ITGB4: variants seen among roughly 807,000 people sequenced by gnomAD.
ITGB4 encodes the protein integrin beta-4.
A neutral mutation model predicts 207.6 loss-of-function variants in ITGB4; 159 were observed. That is an observed-to-expected ratio of 0.77 (90% CI 0.67 to 0.87). The LOEUF (loss-of-function observed/expected upper bound fraction) is 0.87, where lower values mean the gene tolerates loss of function less well. Ranked by LOEUF, ITGB4 falls within the 40% of genes least tolerant of loss-of-function variation. ITGB4 has a pLI of 0.00. For missense variants in ITGB4, 2,278 were observed against 2,546.8 expected, an observed-to-expected ratio of 0.89 and a Z score of 2.27; for synonymous variants, 1,020 against 1,062.7, an observed-to-expected ratio of 0.96 and a Z score of 0.78.
At chr17:75,752,666 G>C in intron 32 of ITGB4, 89 bp downstream of exon 32, 2 of 1,523,976 alleles carry the variant, frequency 1.3e-6, no homozygotes, top group South Asian at 2.3e-5. Context: ...AAAGGGGCCA[G>C]CAACTAGAGG....
chr17:75,750,741 C>T lies in ITGB4; in HGVS notation c.3536C>T (p.Pro1179Leu). 1 of 1,613,478 alleles carries T rather than the reference C, an allele frequency of 6.2e-7. No homozygotes were observed. The highest frequency in any genetic ancestry group is 8.5e-7 in the Non-Finnish European group (1 of 1,179,964). Reference sequence around the variant, plus strand: ...GCCCACCTGCTCGACAGCAAGGTGCCCTCAGTGGAGCTCACCAACCTGTAC... The same window carrying T: ...GCCCACCTGCTCGACAGCAAGGTGCTCTCAGTGGAGCTCACCAACCTGTAC... ...SEAHLLDSKVPSVELTNLYPY... is the reference protein window; with the variant it reads ...SEAHLLDSKVLSVELTNLYPY... Residue 1179 changes from proline to leucine, a missense_variant, in exon 29 of 40, where the codon CCC becomes CTC. Physicochemically the swap from Pro to Leu is moderately conservative, Grantham distance 98. Coordinates refer to ENST00000200181, the MANE Select transcript of ITGB4 (RefSeq NM_000213.5). This position sits in a 1 kb window ranked among gnomAD's most constrained non-coding sequence, Gnocchi z 5.5.
In ITGB4 at chr17:75,727,213, C is replaced by A; in HGVS notation, c.98C>A (p.Ala33Asp). 1 of 1,614,050 alleles carries A rather than the reference C, an allele frequency of 6.2e-7. No homozygotes were observed. The highest frequency in any genetic ancestry group is 8.5e-7 in the Non-Finnish European group (1 of 1,179,970). The change falls in exon 3 of 40, where the codon GCC (alanine) becomes GAC (aspartate). Residue 33 changes from alanine to aspartate, a missense_variant. Ala to Asp is a moderately radical substitution (Grantham distance 126). Coordinates refer to ENST00000200181, the MANE Select transcript of ITGB4 (RefSeq NM_000213.5). This position sits in a 1 kb window ranked among gnomAD's most constrained non-coding sequence, Gnocchi z 6.0. The stretch of plus-strand genomic sequence containing the variant: ...CCCCCAGCAAACCGCTGCAAGAAGG[C>A]CCCAGTGAAGAGCTGCACGGAGTGT... Reference protein sequence around the residue: ...SGTLANRCKKAPVKSCTECVR... With the variant: ...SGTLANRCKKDPVKSCTECVR...
In ITGB4 at chr17:75,736,627, C is replaced by T. The variant is rs8064969; in HGVS notation, c.1923C>T (p.Gly641=). 4 of 1,602,096 alleles carry T rather than the reference C, an allele frequency of 2.5e-6. No individual in the cohort carries two copies. The Admixed American group carries it at 5.2e-5, about 21-fold the overall frequency. ...TGCAGTGCCAGGCGTGGGGCACCGG[C>T]GAGAAGAAGGGGCGCACGTGTGAGG... The part of the protein sequence containing the change: ...SCVQCQAWGT[G]EKKGRTCEEC... The change falls in exon 16 of 40, where the codon GGC becomes GGT. Residue 641 remains glycine, a synonymous_variant. Coordinates refer to ENST00000200181, the MANE Select transcript of ITGB4 (RefSeq NM_000213.5).
chr17:75,750,737 G>T lies in ITGB4; in HGVS notation c.3532G>T (p.Val1178Leu), dbSNP rs1408046201. ...CGAAGCCCACCTGCTCGACAGCAAG[G>T]TGCCCTCAGTGGAGCTCACCAACCT... ...ESEAHLLDSKVPSVELTNLYP... is the reference protein window; with the variant it reads ...ESEAHLLDSKLPSVELTNLYP... The change falls in exon 29 of 40, where the codon GTG (valine) becomes TTG (leucine). Residue 1178 changes from valine (V) to leucine (L), a missense_variant. By Grantham distance (32) the Val-to-Leu change is conservative. Coordinates refer to ENST00000200181, the MANE Select transcript of ITGB4 (RefSeq NM_000213.5). The surrounding 1 kb of genome is among the most constrained non-coding windows in gnomAD (Gnocchi z 5.5). 1 of 1,613,520 alleles carries T rather than the reference G, an allele frequency of 6.2e-7. No individual in the cohort carries two copies. The highest frequency in any genetic ancestry group is 1.7e-5 in the Admixed American group (1 of 60,012).
chr17:75,728,514 G>A (rs1292715335), intron 6 of ITGB4, 41 bp downstream of exon 6: 14 of 1,479,932 alleles, frequency 9.5e-6, no homozygotes, highest in Non-Finnish European at 1.3e-5. Flanking sequence ...CAAGGGTCCA[G>A]GCCATGTGAC....
Position 75,728,447 on chromosome 17 carries a change from C to T in ITGB4, c.540C>T (p.Val180=), listed in dbSNP as rs1239773891. ...GFGKFVDKVS[V]PQTDMRPEKL... ...GCAAGTTTGTGGACAAAGTCAGCGT[C>T]CCGCAGACGGACATGAGGCCTGAGA... The change falls in exon 6 of 40, where the codon GTC becomes GTT. Residue 180 remains valine, a synonymous_variant. Coordinates refer to ENST00000200181, the MANE Select transcript of ITGB4 (RefSeq NM_000213.5). 3.7e-6 allele frequency: 6 copies of T among 1,614,122 alleles called. No homozygotes were observed. The highest frequency in any genetic ancestry group is 2.2e-5 in the East Asian group (1 of 44,882).
intron 14 of ITGB4, 57 bp from the exon 15 acceptor site, chr17:75,736,231 G>A: frequency 6.2e-7 from 1 of 1,603,452 alleles, no homozygotes; most frequent in Non-Finnish European, 8.5e-7. Flanking sequence ...GGAGAGAGGA[G>A]AGGGAGCAGG....
rs146966502 is a variant in ITGB4, at chr17:75,727,260, G to T, written c.145G>T (p.Ala49Ser). 5 of 1,613,974 alleles carry T rather than the reference G, an allele frequency of 3.1e-6. No homozygotes were observed. Among genetic ancestry groups the T allele is most frequent in the Middle Eastern group, 1.7e-4 (1 of 6,060 alleles). ...GTGTGTCCGTGTGGATAAGGACTGCGCCTACTGCACAGACGAGGTGAGGAC... is the reference window on the plus strand; with the variant it reads ...GTGTGTCCGTGTGGATAAGGACTGCTCCTACTGCACAGACGAGGTGAGGAC... ...TECVRVDKDC[A>S]YCTDEMFRDR... Residue 49 changes from alanine (A) to serine (S), a missense_variant, in exon 3 of 40, where the codon GCC (alanine) becomes TCC (serine). Ala to Ser is a moderately conservative substitution (Grantham distance 99, BLOSUM62 1). Coordinates refer to ENST00000200181, the MANE Select transcript of ITGB4 (RefSeq NM_000213.5). The surrounding 1 kb of genome is among the most constrained non-coding windows in gnomAD (Gnocchi z 6.0).
At chr17:75,728,511 C>T in intron 6 of ITGB4, 38 bp downstream of exon 6, 2 of 1,503,614 alleles carry the variant, frequency 1.3e-6, no homozygotes, top group Non-Finnish European at 1.9e-6. Context: ...GGGCAAGGGT[C>T]CAGGCCATGT....
At position 75,722,069 on chromosome 17, in the gene ITGB4, GC is replaced by G. The variant is rs1405935555; in HGVS notation, c.-11+459del. On this transcript the variant is annotated intron_variant, in intron 1 of 39. Transcript: ENST00000200181. The surrounding 1 kb of genome is among the most constrained non-coding windows in gnomAD (Gnocchi z 6.2). Reference sequence around the variant, plus strand: ...TTAAAAGCCACCCTGAGAGGCAGACGCCATCCCGGCTCCAGGCAGGGCTTGC... The same window carrying G: ...TTAAAAGCCACCCTGAGAGGCAGACGCATCCCGGCTCCAGGCAGGGCTTGC... 2.6e-5 allele frequency among the ~76,000 whole-genome samples: 4 copies of G among 152,302 alleles called. No homozygotes were observed. The East Asian group carries it at 7.7e-4, about 29-fold the overall frequency.
rs749175193 is a variant in ITGB4 at position 75,750,513 on chromosome 17, C to G, written c.3475-167C>G. 6.6e-6 allele frequency among the ~76,000 whole-genome samples: 1 copy of G among 152,172 alleles called. No individual in the cohort carries two copies. Among genetic ancestry groups the G allele is most frequent in the Non-Finnish European group, 1.5e-5 (1 of 68,010 alleles). Reference sequence around the variant, plus strand: ...TCCCACCCCCGCATGGGAGATACCCCCACCTGCTCTGCCCTAGTCCTGACG... The same window carrying G: ...TCCCACCCCCGCATGGGAGATACCCGCACCTGCTCTGCCCTAGTCCTGACG... On this transcript the variant is annotated intron_variant, in intron 28 of 39. Transcript: ENST00000200181. The surrounding 1 kb of genome is among the most constrained non-coding windows in gnomAD (Gnocchi z 5.5).
chr17:75,749,924 C>T (rs1323686932), intron 27 of ITGB4, among the ~76,000 whole-genome samples, 187 bp from the exon 28 acceptor site: 1 of 152,246 alleles, frequency 6.6e-6, no homozygotes, highest in East Asian at 1.9e-4. Flanking sequence ...CCTGGGTCCT[C>T]CGCCAAGCTT....
chr17:75,729,273 A>C lies in ITGB4; in HGVS notation c.575A>C (p.Glu192Ala). 6.2e-7 allele frequency: 1 copy of C among 1,613,874 alleles called. No homozygotes were observed. Among genetic ancestry groups the C allele is most frequent in the South Asian group, 1.1e-5 (1 of 91,070 alleles). The part of the protein sequence containing the change: ...QTDMRPEKLK[E>A]PWPNSDPPFS... ...CTCCCACCTCTGCCCAGGCTGAAGG[A>C]GCCCTGGCCCAACAGTGACCCCCCC... Residue 192 changes from glutamate (E) to alanine (A), a missense_variant, in exon 7 of 40, where the codon GAG (glutamate) becomes GCG (alanine). Physicochemically the swap from Glu to Ala is moderately radical, Grantham distance 107 (BLOSUM62 -1). Coordinates refer to ENST00000200181, the MANE Select transcript of ITGB4 (RefSeq NM_000213.5). The surrounding 1 kb of genome is among the most constrained non-coding windows in gnomAD (Gnocchi z 4.4).
chr17:75,739,836 G>A lies in ITGB4; in HGVS notation c.2255-44G>A. On this transcript the variant is annotated intron_variant, in intron 19 of 39. Transcript: ENST00000200181. The surrounding 1 kb of genome is among the most constrained non-coding windows in gnomAD (Gnocchi z 5.4). ...GTCCCACCTGAAGAGGTTGGGCTGTGCGGGTCTAGGGAGGGGTGCCGTGCT... is the reference window on the plus strand; with the variant it reads ...GTCCCACCTGAAGAGGTTGGGCTGTACGGGTCTAGGGAGGGGTGCCGTGCT... 6.2e-7 allele frequency: 1 copy of A among 1,612,008 alleles called. No individual in the cohort carries two copies. Among genetic ancestry groups the A allele is most frequent in the Non-Finnish European group, 8.5e-7 (1 of 1,178,512 alleles).
chr17:75,745,955 T>C (rs940993606), intron 26 of ITGB4, among the ~76,000 whole-genome samples: 3 of 152,142 alleles, frequency 2.0e-5, no homozygotes, highest in African/African-American at 4.8e-5. Flanking sequence ...TCAGCAAACA[T>C]AGGGGAGCGC....
Position 75,729,182 on chromosome 17 carries a change from T to C in ITGB4, c.567-83T>C. ...TCAAAAAAAAAAAAAAAAATTCTCC[T>C]TCTAGTTGAAACGAGCCAGGGGCAC... On this transcript the variant is annotated intron_variant, in intron 6 of 39. Coordinates refer to ENST00000200181, the MANE Select transcript of ITGB4 (RefSeq NM_000213.5). This position sits in a 1 kb window ranked among gnomAD's most constrained non-coding sequence, Gnocchi z 4.4. The C allele has an allele frequency of 1.6e-6, 2 of 1,276,858 alleles. No individual in the cohort carries two copies. The highest frequency in any genetic ancestry group is 2.2e-5 in the Admixed American group (1 of 45,728). The allele number at this position is 1,276,858 out of a possible 1,614,324, so 79.1% of individuals were successfully genotyped here.
intron 34 of ITGB4, 159 bp downstream of exon 34, chr17:75,754,974 G>A: frequency 6.5e-7 from 1 of 1,536,626 alleles, no homozygotes; most frequent in Admixed American, 1.8e-5. Flanking sequence ...ATGCACACAT[G>A]TACACAGACA....
rs2061393666 is a variant in ITGB4 at position 75,752,573 on chromosome 17, C to T, written c.4104C>T (p.Asp1368=). Residue 1368 remains aspartate (D), a synonymous_variant, in exon 32 of 40, where the codon GAC becomes GAT. Coordinates refer to ENST00000200181, the MANE Select transcript of ITGB4 (RefSeq NM_000213.5). ...SGSQRPSVSD[D]TGCGWKFEPL... Reference sequence around the variant, plus strand: ...GCCAGAGGCCCAGCGTCTCCGATGACACTGGTGAGTGGAGACCTGGGACCC... The same window carrying T: ...GCCAGAGGCCCAGCGTCTCCGATGATACTGGTGAGTGGAGACCTGGGACCC... 1 of 1,613,446 alleles carries T rather than the reference C, an allele frequency of 6.2e-7. No individual in the cohort carries two copies. The highest frequency in any genetic ancestry group is 1.3e-5 in the African/African-American group (1 of 74,946).
At position 75,750,632 on chromosome 17, in the gene ITGB4, G is replaced by T; in HGVS notation, c.3475-48G>T. ...AGGTCAGAGGAGGGACAGGCAGCTT[G>T]GGTGCCTGCTGCTCCCTGCTGACCA... On this transcript the variant is annotated intron_variant, in intron 28 of 39. Transcript: ENST00000200181. This position sits in a 1 kb window ranked among gnomAD's most constrained non-coding sequence, Gnocchi z 5.5. 1 of 1,555,976 alleles carries T rather than the reference G, an allele frequency of 6.4e-7. No individual in the cohort carries two copies. The highest frequency in any genetic ancestry group is 8.8e-7 in the Non-Finnish European group (1 of 1,131,812).
Sources: allele counts gnomAD v4.1 joint callset (sites outside exome capture counted in the v4.1 genomes callset), GRCh38; gene constraint gnomAD v4.1.1; non-coding constraint Gnocchi (gnomAD v3.1); transcripts MANE v1.5; gene names NCBI Gene and HGNC (gene_info 2026-07-23, HGNC 2026-07-21).